Variants in PIAS1 observed in about 807,000 individuals in gnomAD.
PIAS1 encodes the protein E3 SUMO-protein ligase PIAS1.
A neutral mutation model predicts 71.3 loss-of-function variants in PIAS1; 6 were observed. That is an observed-to-expected ratio of 0.08 (90% CI 0.05 to 0.17). The LOEUF is 0.17. Among genes scored for constraint, PIAS1 ranks in the 10% least tolerant of loss-of-function variants. The pLI, the probability that PIAS1 is intolerant of heterozygous loss-of-function variation, is 1.00. For missense variants in PIAS1, 555 were observed against 793.6 expected (o/e 0.70, Z 3.61); for synonymous variants, 303 against 292.9 (o/e 1.03, Z -0.35).
intron 11 of PIAS1, among the ~76,000 whole-genome samples, chr15:68,180,469 A>C (rs79970786): frequency 6.6e-6 from 1 of 151,380 alleles, no homozygotes; most frequent in Non-Finnish European, 1.5e-5. Context: ...GTAAATTTTA[A>C]AAAAAAAGCT....
chr15:68,100,812 G>C (rs1192195898), intron 2 of PIAS1, among the ~76,000 whole-genome samples: 2 of 152,006 alleles, frequency 1.3e-5, no homozygotes, highest in African/African-American at 4.8e-5. Flanking sequence ...ATCCTTGTCA[G>C]CATTTGATGC....
At chr15:68,055,931 C>G in intron 1 of PIAS1, 1 of 700,698 alleles carries the variant, frequency 1.4e-6, no homozygotes. Context: ...CTTTGAGTGT[C>G]ATTCTTTTAA....
intron 1 of PIAS1, among the ~76,000 whole-genome samples, chr15:68,075,203 A>G (rs963029597): frequency 6.8e-6 from 1 of 147,380 alleles, no homozygotes; most frequent in Non-Finnish European, 1.5e-5. Flanking sequence ...CTCCTGCCTC[A>G]GCCTCCTGAG....
Position 68,075,791 on chromosome 15 carries a change from T to TC in PIAS1, c.25-10515_25-10514insC, listed in dbSNP as rs199635786. ...AGGAATCATTCCTAGGGCTTTTTTT[T>TC]TTTTTTTTAAGATGGAGTTTTACTC... On this transcript the variant is annotated intron_variant, in intron 1 of 13. Transcript: ENST00000249636. Among the ~76,000 whole-genome samples the TC allele has an allele frequency of 9.8e-3, 1,489 of 151,814 alleles. 83 individuals are homozygous for TC. Among genetic ancestry groups the TC allele is most frequent in the Admixed American group, 0.089 (1,358 of 15,248 alleles).
chr15:68,168,546 T>C (rs1251945204), intron 8 of PIAS1, among the ~76,000 whole-genome samples: 2 of 152,186 alleles, frequency 1.3e-5, no homozygotes, highest in African/African-American at 4.8e-5. Flanking sequence ...ACATAATTTG[T>C]GTCCTATAAA....
At chr15:68,055,907 T>A in intron 1 of PIAS1, 1 of 701,508 alleles carries the variant, frequency 1.4e-6, no homozygotes, top group South Asian at 1.5e-5. Flanking sequence ...AAGATTCGTA[T>A]GTTAAGGTAT....
intron 11 of PIAS1, among the ~76,000 whole-genome samples, chr15:68,179,466 G>A (rs73425806): frequency 0.021 from 3,091 of 149,524 alleles, 96 homozygotes; most frequent in African/African-American, 0.069. Flanking sequence ...AGACGAGAGT[G>A]TGTTTTATGC....
intron 4 of PIAS1, among the ~76,000 whole-genome samples, chr15:68,143,683 T>C (rs1178182355): frequency 1.3e-5 from 2 of 152,156 alleles, no homozygotes; most frequent in Admixed American, 1.3e-4. Context: ...ACTTCCTGCC[T>C]CAACAGTTTA....
At chr15:68,078,108 C>T (rs1465451275) in intron 1 of PIAS1, among the ~76,000 whole-genome samples, 1 of 152,162 alleles carries the variant, frequency 6.6e-6, no homozygotes, top group Non-Finnish European at 1.5e-5. Context: ...GAATAATCAT[C>T]TTTTAGAATT....
intron 2 of PIAS1, among the ~76,000 whole-genome samples, chr15:68,101,567 C>T (rs183388941): frequency 4.6e-5 from 7 of 152,244 alleles, no homozygotes; most frequent in African/African-American, 1.7e-4. Flanking sequence ...TTCCTGGGCT[C>T]GAGCAGCCCT....
intron 2 of PIAS1, among the ~76,000 whole-genome samples, chr15:68,136,776 A>G (rs1307887627): frequency 6.6e-6 from 1 of 152,228 alleles, no homozygotes; most frequent in African/African-American, 2.4e-5. Context: ...AATCTTTTAT[A>G]TCATCTAAAA....
chr15:68,067,447 T>C (rs1055831257), intron 1 of PIAS1, among the ~76,000 whole-genome samples: 17 of 152,154 alleles, frequency 1.1e-4, no homozygotes, highest in Non-Finnish European at 1.9e-4. Flanking sequence ...TTTTTTCTTT[T>C]TGTCCTTGTG....
At chr15:68,061,904 G>T (rs2091962797) in intron 1 of PIAS1, among the ~76,000 whole-genome samples, 1 of 152,184 alleles carries the variant, frequency 6.6e-6, no homozygotes, top group Non-Finnish European at 1.5e-5. Context: ...CTGTTAGTTT[G>T]CGTCTTTTTG....
rs1463467702 is a variant in PIAS1, at chr15:68,117,860, T to G, written c.470-24086T>G. Among the ~76,000 whole-genome samples, 8 of 152,352 alleles carry G rather than the reference T, an allele frequency of 5.3e-5. No individual in the cohort carries two copies. The East Asian group carries it at 1.5e-3, about 29-fold the overall frequency. ...ACATGCTGATTTCATTTCCTTTGGG[T>G]GTATATCCAGTAGTGGGATTGCTAG... On this transcript the variant is annotated intron_variant, in intron 2 of 13. Coordinates refer to ENST00000249636, the MANE Select transcript of PIAS1 (RefSeq NM_016166.3).
chr15:68,173,881 T>A lies in PIAS1; in HGVS notation c.1158T>A (p.Leu386=). 2.6e-6 allele frequency: 4 copies of A among 1,541,472 alleles called. No homozygotes were observed. Among genetic ancestry groups the A allele is most frequent in the Non-Finnish European group, 3.5e-6 (4 of 1,133,014 alleles). ...VCDKKAPYEH[L]IIDGLFMEIL... is the part of the protein sequence containing the mutation. ...ATAAGAAGGCTCCATATGAACACCT[T>A]ATTATTGATGGGTATGTTACTTTAA... is the stretch of plus-strand genomic sequence containing the variant. The change falls in exon 9 of 14, where the codon CTT becomes CTA. Residue 386 remains leucine, a synonymous_variant. Transcript: ENST00000249636. The surrounding 1 kb of genome is among the most constrained non-coding windows in gnomAD (Gnocchi z 4.3).
chr15:68,104,011 GA>G (rs1332901286), intron 2 of PIAS1, among the ~76,000 whole-genome samples: 1 of 152,130 alleles, frequency 6.6e-6, no homozygotes, highest in African/African-American at 2.4e-5. Context: ...AGAACTGCCA[GA>G]CTGTTTTCTA....
intron 2 of PIAS1, among the ~76,000 whole-genome samples, chr15:68,113,752 G>A (rs894830510): frequency 6.6e-5 from 10 of 152,186 alleles, no homozygotes; most frequent in Non-Finnish European, 1.0e-4. Context: ...TTAAGGATGG[G>A]CTTATTAGGA....
At position 68,189,832 on chromosome 15, in the gene PIAS1, A is replaced by AT. The variant is rs2093110788; in HGVS notation, c.*1999dup. The AT allele has an allele frequency of 6.6e-6, 1 of 152,174 alleles. No individual in the cohort carries two copies. The highest frequency in any genetic ancestry group is 1.5e-5 in the Non-Finnish European group (1 of 68,016). The allele number at this position is 152,174 out of a possible 1,614,324, so 9.4% of individuals were successfully genotyped here. ...GTTAATGTTTTTTAATGAATCTGGC[A>AT]TTATAGTGAGCAAATGTCGTATTAA... On this transcript the variant is annotated 3_prime_UTR_variant, in exon 14 of 14. Transcript: ENST00000249636.
chr15:68,143,460 A>G (rs1173543583), intron 4 of PIAS1, among the ~76,000 whole-genome samples: 1 of 152,120 alleles, frequency 6.6e-6, no homozygotes, highest in Non-Finnish European at 1.5e-5. Flanking sequence ...ATATGACTAT[A>G]CTTAATAACT....
Sources: gnomAD v4.1 joint callset for allele counts (sites outside exome capture counted in the v4.1 genomes callset) on GRCh38, gnomAD v4.1.1 for gene constraint, Gnocchi (gnomAD v3.1) non-coding constraint, MANE v1.5 for transcripts, NCBI Gene and HGNC (gene_info 2026-07-23, HGNC 2026-07-21) for gene names.